Variants in TPO observed in about 807,000 individuals in gnomAD.
TPO encodes the protein thyroid microsomal antigen.
TPO carries 78 observed loss-of-function variants against 96.9 expected under a neutral mutation model. The observed-to-expected ratio is 0.81, with a 90% CI of 0.67 to 0.97. The LOEUF is 0.97. Ranked by LOEUF, TPO falls within the 50% of genes least tolerant of loss-of-function variation. The pLI is 0.00. For missense variants in TPO, 1,252 were observed against 1,274.8 expected, an observed-to-expected ratio of 0.98 and a Z score of 0.27; for synonymous variants, 547 against 538.0, an observed-to-expected ratio of 1.02 and a Z score of -0.23.
intron 2 of TPO, among the ~76,000 whole-genome samples, chr2:1,419,064 T>C (rs1456809345): frequency 6.6e-6 from 1 of 152,232 alleles, no homozygotes; most frequent in Non-Finnish European, 1.5e-5. Context: ...AAATGTGGTA[T>C]GTTCTTGCCT....
chr2:1,515,882 C>A (rs563508280), intron 14 of TPO, among the ~76,000 whole-genome samples: 55 of 152,018 alleles, frequency 3.6e-4, no homozygotes, highest in African/African-American at 1.3e-3. Flanking sequence ...TTATCCAGGG[C>A]GACCCATGTT....
chr2:1,475,358 A>C (rs77968987), intron 7 of TPO, among the ~76,000 whole-genome samples: 22,509 of 148,332 alleles, frequency 0.15, 2,195 homozygotes, highest in East Asian at 0.29. Context: ...GGCCCCAAGT[A>C]CTCACCTCGT....
chr2:1,529,165 C>T (rs1228416922), intron 15 of TPO, among the ~76,000 whole-genome samples: 3 of 102,840 alleles, frequency 2.9e-5, no homozygotes, highest in Admixed American at 2.1e-4. Context: ...CCTGAATCCC[C>T]CCACTGTGTG....
chr2:1,520,195 C>T (rs1052013677), intron 15 of TPO, among the ~76,000 whole-genome samples: 1 of 152,144 alleles, frequency 6.6e-6, no homozygotes, highest in Non-Finnish European at 1.5e-5. Flanking sequence ...TCAAGTCACT[C>T]ATTAGGAAAT....
intron 15 of TPO, among the ~76,000 whole-genome samples, chr2:1,529,900 T>C (rs1677656116): frequency 9.8e-6 from 1 of 101,536 alleles, no homozygotes; most frequent in African/African-American, 4.3e-5. Flanking sequence ...TCCCTCCCAC[T>C]CTGTGCAAAC....
intron 14 of TPO, among the ~76,000 whole-genome samples, chr2:1,505,490 G>A (rs546237131): frequency 0.082 from 899 of 10,994 alleles, 14 homozygotes; most frequent in Admixed American, 0.12. Flanking sequence ...CCCCCACCCC[G>A]TGTCAGGCAC....
At chr2:1,507,269 C>G (rs551237460) in intron 14 of TPO, among the ~76,000 whole-genome samples, 67 of 152,258 alleles carry the variant, frequency 4.4e-4, no homozygotes, top group Middle Eastern at 6.8e-3. Flanking sequence ...CAGTACCATG[C>G]TGTTTTGGTT....
intron 14 of TPO, among the ~76,000 whole-genome samples, chr2:1,516,346 C>T (rs28913007): frequency 8.7e-4 from 132 of 152,336 alleles, no homozygotes; most frequent in Non-Finnish European, 1.5e-3. Context: ...GTGCCCCCGT[C>T]CCCCCAGGGC....
chr2:1,477,152 T>C lies in TPO; in HGVS notation c.886T>C (p.Cys296Arg). The C allele has an allele frequency of 6.2e-7, 1 of 1,610,394 alleles. No individual in the cohort carries two copies. Among genetic ancestry groups the C allele is most frequent in the South Asian group, 1.1e-5 (1 of 90,458 alleles). Residue 296 changes from cysteine to arginine, a missense_variant, in exon 8 of 17, where the codon TGC (cysteine) becomes CGC (arginine). Physicochemically the swap from Cys to Arg is radical, Grantham distance 180 (BLOSUM62 -3). Transcript: ENST00000329066. ...CLPFYRSSAA[C>R]GTGDQGALFG... ...GCCCTTCTACCGCTCTTCGGCCGCC[T>C]GCGGCACCGGGGACCAAGGCGCGCT...
At chr2:1,488,274 C>T (rs1463887443) in intron 10 of TPO, among the ~76,000 whole-genome samples, 4 of 152,086 alleles carry the variant, frequency 2.6e-5, no homozygotes, top group Non-Finnish European at 4.4e-5. Flanking sequence ...AGGGAGTGCG[C>T]GGGCAGACAA....
Position 1,477,155 on chromosome 2 carries a change from G to C in TPO, c.889G>C (p.Gly297Arg). The C allele has an allele frequency of 6.2e-7, 1 of 1,610,214 alleles. No individual in the cohort carries two copies. The highest frequency in any genetic ancestry group is 8.5e-7 in the Non-Finnish European group (1 of 1,179,112). The part of the protein sequence containing the change: ...LPFYRSSAAC[G>R]TGDQGALFGN... ...CTTCTACCGCTCTTCGGCCGCCTGC[G>C]GCACCGGGGACCAAGGCGCGCTCTT... Residue 297 changes from glycine to arginine, a missense_variant, in exon 8 of 17, where the codon GGC becomes CGC. Coordinates refer to ENST00000329066, the MANE Select transcript of TPO (RefSeq NM_001206744.2).
intron 2 of TPO, among the ~76,000 whole-genome samples, chr2:1,416,780 A>G (rs1663006680): frequency 6.6e-6 from 1 of 152,252 alleles, no homozygotes. Flanking sequence ...ATCTGTTTGG[A>G]AAATGATGCC....
At chr2:1,476,459 G>A (rs1023468582) in intron 7 of TPO, among the ~76,000 whole-genome samples, 1 of 152,180 alleles carries the variant, frequency 6.6e-6, no homozygotes, top group African/African-American at 2.4e-5. Flanking sequence ...AGCCAGAGTT[G>A]GAATCCCACC....
At chr2:1,393,931 T>C (rs1573057361) in intron 1 of TPO, among the ~76,000 whole-genome samples, 1 of 152,258 alleles carries the variant, frequency 6.6e-6, no homozygotes, top group East Asian at 1.9e-4. Flanking sequence ...TTAAGTAGAC[T>C]GTGAAAGATA....
chr2:1,482,970 T>C (rs4927619), intron 8 of TPO, among the ~76,000 whole-genome samples: 86,353 of 152,134 alleles, frequency 0.57, 25,838 homozygotes, highest in African/African-American at 0.77. Flanking sequence ...CGCAAGCCAC[T>C]GCGCCTGACT....
intron 7 of TPO, among the ~76,000 whole-genome samples, chr2:1,464,350 T>C (rs1248199665): frequency 6.6e-6 from 1 of 152,242 alleles, no homozygotes; most frequent in Admixed American, 6.5e-5. Flanking sequence ...ATTGTGCGGC[T>C]ATAAACACGG....
chr2:1,520,963 C>T (rs1675193354), intron 15 of TPO, among the ~76,000 whole-genome samples: 1 of 152,130 alleles, frequency 6.6e-6, no homozygotes, highest in Non-Finnish European at 1.5e-5. Flanking sequence ...AGTTCCAGTC[C>T]TTTCTCCATT....
intron 9 of TPO, among the ~76,000 whole-genome samples, chr2:1,487,462 C>T (rs1253669029): frequency 1.3e-5 from 2 of 152,180 alleles, no homozygotes; most frequent in Non-Finnish European, 2.9e-5. Flanking sequence ...GGGCTGGGCG[C>T]GGTGGCTCAC....
At chr2:1,418,395 GAAAGATC>G (rs1558259820) in intron 2 of TPO, among the ~76,000 whole-genome samples, 2 of 152,178 alleles carry the variant, frequency 1.3e-5, no homozygotes, top group African/African-American at 2.4e-5. Flanking sequence ...AATAAGAAGG[GAAAGATC>G]TTGGCTGGTG....
Sources: allele counts gnomAD v4.1 joint callset (sites outside exome capture counted in the v4.1 genomes callset), GRCh38; gene constraint gnomAD v4.1.1; transcripts MANE v1.5; gene names NCBI Gene and HGNC (gene_info 2026-07-23, HGNC 2026-07-21).